CHRM2: variants seen among roughly 807,000 people sequenced by gnomAD.
CHRM2 encodes cholinergic receptor muscarinic 2, also known as muscarinic acetylcholine receptor M2.
Under a neutral mutation model 25.0 loss-of-function variants are expected in CHRM2, and 8 were observed. The observed-to-expected ratio is 0.32, with a 90% CI of 0.19 to 0.58. CHRM2 has a LOEUF of 0.58. CHRM2 is among the 20% of genes least tolerant of loss of function. The pLI, the probability that CHRM2 is intolerant of heterozygous loss-of-function variation, is 0.88. For synonymous variants in CHRM2, 202 were observed against 205.7 expected, an observed-to-expected ratio of 0.98 and a Z score of 0.15; for missense variants, 440 against 567.1, an observed-to-expected ratio of 0.78 and a Z score of 2.28.
At chr7:136,947,243 A>G (rs1800124396) in intron 2 of CHRM2, among the ~76,000 whole-genome samples, 1 of 152,144 alleles carries the variant, frequency 6.6e-6, no homozygotes, top group Non-Finnish European at 1.5e-5. Context: ...TACATGGGAA[A>G]GTAGCAGAGA....
intron 2 of CHRM2, among the ~76,000 whole-genome samples, chr7:136,883,076 T>C (rs1051512842): frequency 6.6e-6 from 1 of 152,154 alleles, no homozygotes; most frequent in African/African-American, 2.4e-5. Flanking sequence ...GAAGGAGAAG[T>C]ACTACACTTA....
intron 2 of CHRM2, among the ~76,000 whole-genome samples, chr7:136,937,559 T>A (rs929632328): frequency 1.3e-5 from 2 of 151,880 alleles, no homozygotes; most frequent in Non-Finnish European, 2.9e-5. Context: ...CACAGTAGAG[T>A]CAGAGCAGTT....
At chr7:136,877,097 G>T (rs189249599) in intron 2 of CHRM2, among the ~76,000 whole-genome samples, 3 of 152,116 alleles carry the variant, frequency 2.0e-5, no homozygotes, top group Admixed American at 6.5e-5. Context: ...GAACATAGAA[G>T]GCATCAAGGA....
At chr7:136,907,251 C>A (rs532712979) in intron 2 of CHRM2, among the ~76,000 whole-genome samples, 37 of 151,976 alleles carry the variant, frequency 2.4e-4, no homozygotes, top group Admixed American at 1.8e-3. Flanking sequence ...GGGTTGAAGA[C>A]CCCTGCTTTA....
chr7:136,973,805 T>C (rs931987356), intron 2 of CHRM2, among the ~76,000 whole-genome samples: 2 of 152,090 alleles, frequency 1.3e-5, no homozygotes, highest in South Asian at 2.1e-4. Flanking sequence ...GGGGTGTCTA[T>C]TTGTTGGTCA....
intron 2 of CHRM2, among the ~76,000 whole-genome samples, chr7:136,929,817 A>G (rs561907127): frequency 1.1e-4 from 16 of 152,310 alleles, no homozygotes; most frequent in African/African-American, 3.6e-4. Context: ...CAAGAGGAAT[A>G]AAGGTTACTA....
chr7:136,988,410 T>C (rs1414537368), intron 2 of CHRM2, among the ~76,000 whole-genome samples: 1 of 152,158 alleles, frequency 6.6e-6, no homozygotes, highest in Non-Finnish European at 1.5e-5. Context: ...TAATAGGTAA[T>C]ATAATTGAGT....
chr7:136,869,572 C>G lies in CHRM2; in HGVS notation c.-125+154C>G, dbSNP rs1361851849. On this transcript the variant is annotated intron_variant, in intron 2 of 3. Transcript: ENST00000680005. The surrounding 1 kb of genome is among the most constrained non-coding windows in gnomAD (Gnocchi z 4.9). ...TCCTCCCCACGTGCAGATTCTCAAA[C>G]GGAAACTTTGGATCCTGGGGCTTGG... is the stretch of plus-strand genomic sequence containing the variant. 2.6e-5 allele frequency among the ~76,000 whole-genome samples: 4 copies of G among 152,168 alleles called. No homozygotes were observed. In the East Asian group the frequency reaches 5.8e-4, roughly 22 times the overall value.
intron 2 of CHRM2, among the ~76,000 whole-genome samples, chr7:136,879,853 A>AT (rs1215808994): frequency 6.6e-6 from 1 of 151,878 alleles, no homozygotes; most frequent in African/African-American, 2.4e-5. Context: ...GGCCATCTTT[A>AT]TTTTTTAGCA....
chr7:136,997,087 T>C (rs1803655183), intron 3 of CHRM2, among the ~76,000 whole-genome samples: 1 of 152,206 alleles, frequency 6.6e-6, no homozygotes, highest in Non-Finnish European at 1.5e-5. Context: ...AGTGTGCATA[T>C]GTTAACTTAT....
chr7:136,980,417 T>A (rs1023741264), intron 2 of CHRM2, among the ~76,000 whole-genome samples: 4 of 152,220 alleles, frequency 2.6e-5, no homozygotes, highest in African/African-American at 9.6e-5. Flanking sequence ...CCTCTCTTCC[T>A]ATTTGAATAT....
intron 2 of CHRM2, among the ~76,000 whole-genome samples, chr7:136,980,575 T>G (rs1802420630): frequency 6.6e-6 from 1 of 152,156 alleles, no homozygotes; most frequent in East Asian, 1.9e-4. Flanking sequence ...ATATTAGCTG[T>G]GGTTTTGTCA....
intron 2 of CHRM2, among the ~76,000 whole-genome samples, chr7:136,885,808 A>C (rs550715334): frequency 6.6e-6 from 1 of 152,220 alleles, no homozygotes; most frequent in Non-Finnish European, 1.5e-5. Flanking sequence ...TCTTGGTTTA[A>C]TAAAGCACTA....
intron 2 of CHRM2, among the ~76,000 whole-genome samples, chr7:136,897,478 T>C (rs1347362679): frequency 6.6e-6 from 1 of 152,144 alleles, no homozygotes; most frequent in Non-Finnish European, 1.5e-5. Context: ...TAAAAGTCCC[T>C]AGTGACAAAC....
chr7:136,962,472 G>A (rs941696734), intron 2 of CHRM2, among the ~76,000 whole-genome samples: 3 of 152,024 alleles, frequency 2.0e-5, no homozygotes, highest in Admixed American at 1.3e-4. Context: ...GGATAGTAGA[G>A]GGTGAGTGGT....
At chr7:136,990,629 C>T (rs1803161598) in intron 2 of CHRM2, among the ~76,000 whole-genome samples, 1 of 152,126 alleles carries the variant, frequency 6.6e-6, no homozygotes. Flanking sequence ...TGAAGGATAT[C>T]TTTGTTGCTT....
At chr7:136,984,489 A>G (rs324624) in intron 2 of CHRM2, among the ~76,000 whole-genome samples, 129,030 of 150,934 alleles carry the variant, frequency 0.85, 55,904 homozygotes, top group Middle Eastern at 0.97. Flanking sequence ...CCGGGGTAAG[A>G]AAAAAAAAAA....
rs546423344 is a variant in CHRM2, at chr7:136,969,668, C to G, written c.-124-22519C>G. 2.2e-4 allele frequency among the ~76,000 whole-genome samples: 33 copies of G among 152,244 alleles called. No individual in the cohort carries two copies. The South Asian group carries it at 4.4e-3, about 20-fold the overall frequency. On this transcript the variant is annotated intron_variant, in intron 2 of 3. Coordinates refer to ENST00000680005, the MANE Select transcript of CHRM2 (RefSeq NM_001006630.2). ...TAAGGGCCTTCTAACTGGGTTCTGC[C>G]ACCTTTCCAACGTCCTTCTGTTTTA...
rs147752345 is a variant in CHRM2 at position 136,876,798 on chromosome 7, C to T, written c.-125+7380C>T. Among the ~76,000 whole-genome samples, 461 of 152,098 alleles carry T rather than the reference C, an allele frequency of 3.0e-3. 1 individual carries two copies. Among genetic ancestry groups the T allele is most frequent in the Non-Finnish European group, 4.2e-3 (284 of 67,932 alleles). On this transcript the variant is annotated intron_variant, in intron 2 of 3. Coordinates refer to ENST00000680005, the MANE Select transcript of CHRM2 (RefSeq NM_001006630.2). ...AATCCTAAATATCCTTGAATATTGA[C>T]CTCTTGGCAGAACTGGGCCCACTTT...
Sources: gnomAD v4.1 joint callset for allele counts (sites outside exome capture counted in the v4.1 genomes callset) on GRCh38, gnomAD v4.1.1 for gene constraint, Gnocchi (gnomAD v3.1) non-coding constraint, MANE v1.5 for transcripts, NCBI Gene and HGNC (gene_info 2026-07-23, HGNC 2026-07-21) for gene names.